The following WDR26 variants were observed in gnomAD, a reference collection of about 807,000 sequenced individuals.
WDR26 encodes WD repeat domain 26, also known as WD repeat-containing protein 26.
WDR26 carries 5 observed loss-of-function variants against 84.1 expected under a neutral mutation model. That is an observed-to-expected ratio of 0.06 (90% CI 0.03 to 0.13). The LOEUF is 0.13. Among genes scored for constraint, WDR26 ranks in the 10% least tolerant of loss-of-function variants. The pLI, the probability that WDR26 is intolerant of heterozygous loss-of-function variation, is 1.00. For synonymous variants in WDR26, 415 were observed against 389.6 expected, an observed-to-expected ratio of 1.07 and a Z score of -0.77; for missense variants, 642 against 974.9, an observed-to-expected ratio of 0.66 and a Z score of 4.55.
Position 224,434,220 on chromosome 1 carries a change from G to GGAC in WDR26, c.185_186insGTC (p.Ser67dup). 2.9e-6 allele frequency: 4 copies of GGAC among 1,397,014 alleles called. No individual in the cohort carries two copies. The highest frequency in any genetic ancestry group is 2.6e-5 in the East Asian group (1 of 38,136). 86.5% of individuals were successfully genotyped at this position (1,397,014 alleles called of 1,614,324 possible). On this transcript the variant is annotated inframe_insertion, in exon 1 of 14. Coordinates refer to ENST00000414423, the MANE Select transcript of WDR26 (RefSeq NM_001379403.1). ...CTACCACCACGGAGGAGGAGGAGGAGGAGGAGGACGAGGACGACGAGGACG... is the reference window on the plus strand; with the variant it reads ...CTACCACCACGGAGGAGGAGGAGGAGGACGAGGAGGACGAGGACGACGAGGACG...
In WDR26 at chr1:224,418,301, A is replaced by G. The variant is rs1484588995; in HGVS notation, c.1278T>C (p.Asn426=). Residue 426 remains asparagine, a synonymous_variant, in exon 6 of 14, where the codon AAT becomes AAC. Coordinates refer to ENST00000414423, the MANE Select transcript of WDR26 (RefSeq NM_001379403.1). ...CTATAAGCAGAGACACAGAATCTAG[A>G]TTATTATCAAGTTTGGTATTGTGAT... The G allele has an allele frequency of 3.1e-6, 5 of 1,613,408 alleles. No individual in the cohort carries two copies. Among genetic ancestry groups the G allele is most frequent in the Non-Finnish European group, 2.5e-6 (3 of 1,179,678 alleles).
intron 12 of WDR26, among the ~76,000 whole-genome samples, chr1:224,394,989 C>T (rs1054014123): frequency 2.6e-5 from 4 of 152,086 alleles, no homozygotes; most frequent in African/African-American, 7.2e-5. Flanking sequence ...GAAGTGACCA[C>T]AACAATCAAA....
At chr1:224,409,799 G>A (rs900360596) in intron 7 of WDR26, among the ~76,000 whole-genome samples, 5 of 151,794 alleles carry the variant, frequency 3.3e-5, no homozygotes, top group Non-Finnish European at 5.9e-5. Context: ...GGAGGTAGAG[G>A]TTGCAGTGAG....
chr1:224,411,671 CT>C, intron 6 of WDR26, 106 bp from the exon 7 acceptor site: 1 of 1,220,616 alleles, frequency 8.2e-7, no homozygotes, highest in Non-Finnish European at 1.1e-6. Flanking sequence ...ACATCACTAA[CT>C]TTAAAAATAA....
At chr1:224,391,086 A>T (rs956180222) in intron 13 of WDR26, among the ~76,000 whole-genome samples, 1 of 146,288 alleles carries the variant, frequency 6.8e-6, no homozygotes, top group Non-Finnish European at 1.5e-5. Flanking sequence ...ATGCATCCTT[A>T]AAAAAAAAAA....
chr1:224,390,390 G>T (rs1673091392), intron 13 of WDR26, among the ~76,000 whole-genome samples: 1 of 152,208 alleles, frequency 6.6e-6, no homozygotes. Flanking sequence ...AAAATGTTGG[G>T]ATTATAAGGC....
rs760417774 is a variant in WDR26 at position 224,424,547 on chromosome 1, G to A, written c.1035C>T (p.Tyr345=). 1.2e-6 allele frequency: 2 copies of A among 1,613,996 alleles called. No homozygotes were observed. The highest frequency in any genetic ancestry group is 1.7e-6 in the Non-Finnish European group (2 of 1,179,894). The change falls in exon 4 of 14, where the codon TAC becomes TAT. Residue 345 remains tyrosine, a synonymous_variant. Coordinates refer to ENST00000414423, the MANE Select transcript of WDR26 (RefSeq NM_001379403.1). ...TAAGAACATGAATGCGCTCTGTATT[G>A]TATTTCAGCGGCGTCAATTCACAGC... is the stretch of plus-strand genomic sequence containing the variant.
At chr1:224,433,498 G>C (rs1674468706) in intron 1 of WDR26, among the ~76,000 whole-genome samples, 186 bp downstream of exon 1, 1 of 151,920 alleles carries the variant, frequency 6.6e-6, no homozygotes, top group Non-Finnish European at 1.5e-5. Context: ...TTCCTTTCAG[G>C]TCCGCTCCTC....
At chr1:224,407,141 A>ATATATATATATATATATATAT in intron 7 of WDR26, among the ~76,000 whole-genome samples, 1 of 35,598 alleles carries the variant, frequency 2.8e-5, no homozygotes, top group African/African-American at 1.2e-4. Context: ...AAAAAAAAAA[A>ATATATATATATATATATATAT]AAAAAAAAAA....
intron 9 of WDR26, among the ~76,000 whole-genome samples, chr1:224,399,618 G>A (rs1214750451): frequency 6.6e-6 from 1 of 152,126 alleles, no homozygotes; most frequent in Admixed American, 6.5e-5. Flanking sequence ...TATCTTGATG[G>A]CTTAACACAG....
intron 9 of WDR26, among the ~76,000 whole-genome samples, chr1:224,399,644 T>C (rs1191247708): frequency 6.6e-6 from 1 of 152,220 alleles, no homozygotes; most frequent in East Asian, 1.9e-4. Context: ...GACAGCAAAC[T>C]CAGCAGAAAC....
At chr1:224,400,381 T>C (rs1001752740) in intron 9 of WDR26, among the ~76,000 whole-genome samples, 1 of 151,716 alleles carries the variant, frequency 6.6e-6, no homozygotes, top group African/African-American at 2.4e-5. Context: ...AAAACAAAAA[T>C]GTTTAGCAAA....
At chr1:224,409,044 A>C (rs1371115958) in intron 7 of WDR26, among the ~76,000 whole-genome samples, 1 of 152,150 alleles carries the variant, frequency 6.6e-6, no homozygotes, top group Non-Finnish European at 1.5e-5. Context: ...GTATATTAGT[A>C]ATTACACAGG....
intron 13 of WDR26, 40 bp from the exon 14 acceptor site, chr1:224,389,900 G>A: frequency 8.1e-7 from 1 of 1,230,496 alleles, no homozygotes; most frequent in Non-Finnish European, 1.1e-6. Flanking sequence ...GGGCGGGCGG[G>A]GGAGGGAAGA....
At chr1:224,395,857 A>C (rs957588084) in intron 12 of WDR26, among the ~76,000 whole-genome samples, 1 of 152,224 alleles carries the variant, frequency 6.6e-6, no homozygotes, top group Non-Finnish European at 1.5e-5. Context: ...CAATCTGAGA[A>C]ATCTATTGTT....
rs1296546435 is a variant in WDR26 at position 224,407,139 on chromosome 1, A to T, written c.1459-2569T>A. ...TCTGTCTTTAAAAAAAAAAAAAAAA[A>T]AAAAAAAAAAAAATATATATATATA... On this transcript the variant is annotated intron_variant, in intron 7 of 13. Transcript: ENST00000414423. 7.1e-3 allele frequency among the ~76,000 whole-genome samples: 272 copies of T among 38,308 alleles called. 5 individuals carry two copies. Among genetic ancestry groups the T allele is most frequent in the African/African-American group, 0.027 (222 of 8,266 alleles). The allele number at this position is 38,308 out of a possible 152,430, so 25.1% of individuals were successfully genotyped here.
chr1:224,413,892 C>CT (rs1462775479), intron 6 of WDR26, among the ~76,000 whole-genome samples: 13 of 152,192 alleles, frequency 8.5e-5, no homozygotes, highest in African/African-American at 3.1e-4. Flanking sequence ...TCACTGCAAC[C>CT]TCCACCTCCT....
Position 224,407,151 on chromosome 1 carries a change from A to AAAAAAATATATATATAT in WDR26, c.1459-2582_1459-2581insATATATATATATTTTTT. 3.5e-3 allele frequency among the ~76,000 whole-genome samples: 42 copies of AAAAAAATATATATATAT among 11,860 alleles called. 1 individual carries two copies. The highest frequency in any genetic ancestry group is 9.0e-3 in the Admixed American group (7 of 776). 7.8% of individuals were successfully genotyped at this position (11,860 alleles called of 152,430 possible). The stretch of plus-strand genomic sequence containing the variant: ...AAAAAAAAAAAAAAAAAAAAAAAAA[A>AAAAAAATATATATATAT]ATATATATATATATATATATAACTC... On this transcript the variant is annotated intron_variant, in intron 7 of 13. Transcript: ENST00000414423.
At chr1:224,422,346 G>A (rs976063548) in intron 4 of WDR26, among the ~76,000 whole-genome samples, 1 of 152,252 alleles carries the variant, frequency 6.6e-6, no homozygotes, top group Admixed American at 6.5e-5. Context: ...TGGAGAGCCA[G>A]TGGCAAGGGA....
Sources: allele counts gnomAD v4.1 joint callset (sites outside exome capture counted in the v4.1 genomes callset), GRCh38; gene constraint gnomAD v4.1.1; transcripts MANE v1.5; gene names NCBI Gene and HGNC (gene_info 2026-07-23, HGNC 2026-07-21).